The following PLA2G4B variants were observed in gnomAD, a reference collection of about 807,000 sequenced individuals.
PLA2G4B encodes the protein cytosolic phospholipase A2 beta.
Under a neutral mutation model 95.8 loss-of-function variants are expected in PLA2G4B, and 122 were observed. The ratio of observed to expected loss-of-function variants is 1.27; its 90% confidence interval spans 1.10 to 1.48. The LOEUF is 1.48. PLA2G4B is among the 40% of genes most tolerant of loss of function. PLA2G4B has a pLI of 0.00. For synonymous variants in PLA2G4B, 518 were observed against 421.5 expected (o/e 1.23, Z -2.80); for missense variants, 1,158 against 996.2 (o/e 1.16, Z -2.19).
Position 41,840,921 on chromosome 15 carries a change from C to T in PLA2G4B, c.351+16C>T, listed in dbSNP as rs764196566. On this transcript the variant is annotated intron_variant, in intron 4 of 19. Transcript: ENST00000458483. ...GAGCCCTCAGGCAAGGCGGTGTTTC[C>T]ACGGCAGCCCTAGCTGGTGTCTGGG... 3 of 1,610,050 alleles carry T rather than the reference C, an allele frequency of 1.9e-6. No individual in the cohort carries two copies. The highest frequency in any genetic ancestry group is 2.5e-6 in the Non-Finnish European group (3 of 1,177,008).
intron 5 of PLA2G4B, 28 bp from the exon 6 acceptor site, chr15:41,841,203 C>T (rs750583728): frequency 1.2e-6 from 2 of 1,613,986 alleles, no homozygotes; most frequent in African/African-American, 1.3e-5. Context: ...TGGACTCCTG[C>T]TAAGGGGGCT....
chr15:41,843,925 C>G, intron 11 of PLA2G4B, 114 bp downstream of exon 11: 1 of 1,463,044 alleles, frequency 6.8e-7, no homozygotes, highest in African/African-American at 1.4e-5. Context: ...GCTGCCTGTC[C>G]CCACCCTGCT....
chr15:41,846,114 G>T lies in PLA2G4B; in HGVS notation c.1600+67G>T, dbSNP rs115866453. 3.5e-3 allele frequency: 5,498 copies of T among 1,576,694 alleles called. 179 individuals carry two copies. In the African/African-American group the frequency reaches 0.067, roughly 19 times the overall value. On this transcript the variant is annotated intron_variant, in intron 16 of 19. Transcript: ENST00000458483. ...CAGCTGGGGCTGCACCAGGGGGCGG[G>T]GGGTTCACACCTCTTCCCCCTCCAG... is the stretch of plus-strand genomic sequence containing the variant.
rs1567173246 is a variant in PLA2G4B, at chr15:41,846,712, G to T, written c.1824G>T (p.Glu608Asp). ...TCCCCAACCAGCTGACACCCTCGGA[G>T]CCCCACCTGTGCCTGCTGGATGTTG... ...DGLPNQLTPS[E>D]PHLCLLDVGY... The change falls in exon 18 of 20, where the codon GAG (glutamate) becomes GAT (aspartate). Residue 608 changes from glutamate to aspartate, a missense_variant. Transcript: ENST00000458483. The T allele has an allele frequency of 2.5e-6, 4 of 1,613,792 alleles. No homozygotes were observed. In the Admixed American group the frequency reaches 6.7e-5, roughly 27 times the overall value.
At chr15:41,844,646 A>G (rs763845412) in intron 12 of PLA2G4B, 39 bp downstream of exon 12, 2 of 1,612,972 alleles carry the variant, frequency 1.2e-6, no homozygotes, top group Middle Eastern at 1.8e-4. Context: ...CCTGTGTGGC[A>G]GGGGGTGCTG....
chr15:41,844,527 G>A lies in PLA2G4B; in HGVS notation c.936G>A (p.Leu312=). The change falls in exon 12 of 20, where the codon CTG becomes CTA. Residue 312 remains leucine, a synonymous_variant. Coordinates refer to ENST00000458483, the MANE Select transcript of PLA2G4B (RefSeq NM_001114633.2). ...GTGGGATCCGGGCAATGACTTCCCT[G>A]TATGGGCAGCTGGCTGGCCTGAAGG... ...TGGGIRAMTS[L]YGQLAGLKEL... The A allele has an allele frequency of 1.2e-6, 2 of 1,614,148 alleles. No individual in the cohort carries two copies. The highest frequency in any genetic ancestry group is 2.2e-5 in the South Asian group (2 of 91,084).
At chr15:41,846,614 A>G (rs2065553047) in intron 17 of PLA2G4B, 55 bp from the exon 18 acceptor site, 2 of 1,552,052 alleles carry the variant, frequency 1.3e-6, no homozygotes, top group African/African-American at 1.4e-5. Context: ...TCCTTCCAGC[A>G]GGAATCTGGT....
At chr15:41,841,440 C>CA in intron 6 of PLA2G4B, 77 bp from the exon 7 acceptor site, 1 of 1,611,458 alleles carries the variant, frequency 6.2e-7, no homozygotes, top group Non-Finnish European at 8.5e-7. Context: ...AGACCAGCAG[C>CA]AGCCAGGGTG....
In PLA2G4B at chr15:41,844,835, TGGCTTTTCCCAG is replaced by T. The variant is rs1196876606; in HGVS notation, c.1017-9_1019del. The stretch of plus-strand genomic sequence containing the variant: ...AGTGACAGCCCTCTGGCTTTGGCTT[TGGCTTTTCCCAG>T]GGCCTTGGCCAACCTTTATGAGGAC... On this transcript the variant is annotated splice_acceptor_variant and splice_polypyrimidine_tract_variant and intron_variant, in intron 12 of 19. Coordinates refer to ENST00000458483, the MANE Select transcript of PLA2G4B (RefSeq NM_001114633.2). LOFTEE classifies it high-confidence loss of function. 6.3e-7 allele frequency: 1 copy of T among 1,586,800 alleles called. No homozygotes were observed. Among genetic ancestry groups the T allele is most frequent in the South Asian group, 1.1e-5 (1 of 87,860 alleles).
intron 9 of PLA2G4B, 90 bp from the exon 10 acceptor site, chr15:41,842,464 C>T (rs372443014): frequency 4.4e-5 from 68 of 1,545,722 alleles, no homozygotes; most frequent in East Asian, 1.7e-4. Flanking sequence ...GGTGGCGGGG[C>T]GGGGGTGGTG....
chr15:41,844,014 C>T (rs1175714142), intron 11 of PLA2G4B, among the ~76,000 whole-genome samples: 2 of 152,214 alleles, frequency 1.3e-5, no homozygotes, highest in Non-Finnish European at 1.5e-5. Context: ...TGGGAGCTAC[C>T]TCATAGGGCT....
Position 41,841,097 on chromosome 15 carries a change from T to C in PLA2G4B, c.392+2T>C. The C allele has an allele frequency of 6.3e-7, 1 of 1,599,888 alleles. No homozygotes were observed. Among genetic ancestry groups the C allele is most frequent in the Non-Finnish European group, 8.5e-7 (1 of 1,170,198 alleles). ...AGTTGAATTTCGCCTGCAGAGTCTGTGAGTCAGGGGCCTGGGGCAGTTTGG... is the reference window on the plus strand; with the variant it reads ...AGTTGAATTTCGCCTGCAGAGTCTGCGAGTCAGGGGCCTGGGGCAGTTTGG... On this transcript the variant is annotated splice_donor_variant, in intron 5 of 19. Coordinates refer to ENST00000458483, the MANE Select transcript of PLA2G4B (RefSeq NM_001114633.2). LOFTEE classifies it high-confidence loss of function.
intron 15 of PLA2G4B, 67 bp downstream of exon 15, chr15:41,845,842 A>G: frequency 6.5e-7 from 1 of 1,533,814 alleles, no homozygotes; most frequent in Non-Finnish European, 8.8e-7. Flanking sequence ...GTGAGAGGGC[A>G]GCCTCGGTCA....
At position 41,843,683 on chromosome 15, in the gene PLA2G4B, G is replaced by T. The variant is rs780425412; in HGVS notation, c.751G>T (p.Glu251Ter). The T allele has an allele frequency of 6.2e-7, 1 of 1,613,358 alleles. No individual in the cohort carries two copies. Among genetic ancestry groups the T allele is most frequent in the African/African-American group, 1.3e-5 (1 of 74,936 alleles). ...TCTTCCTTCCCCGGCCAGACTGAGG[G>T]AGCTGGCCGTGCGACTGGGCTTCGG... ...VELKKEAGLR[E>*]LAVRLGFGPC... Residue 251 changes from glutamate to a stop codon, truncating the protein, a stop_gained, in exon 11 of 20, where the codon GAG becomes TAG. Coordinates refer to ENST00000458483, the MANE Select transcript of PLA2G4B (RefSeq NM_001114633.2). LOFTEE classifies it high-confidence loss of function.
At position 41,845,715 on chromosome 15, in the gene PLA2G4B, G is replaced by C. The variant is rs140382656; in HGVS notation, c.1435G>C (p.Glu479Gln). The change falls in exon 15 of 20, where the codon GAG (glutamate) becomes CAG (glutamine). Residue 479 changes from glutamate to glutamine, a missense_variant. By Grantham distance (29) the Glu-to-Gln change is conservative. Coordinates refer to ENST00000458483, the MANE Select transcript of PLA2G4B (RefSeq NM_001114633.2). The stretch of plus-strand genomic sequence containing the variant: ...CATCCCCTCTGAGCTCTTTGGCTCC[G>C]AGTTCTTTATGGGGCAGCTGATGAA... ...AFIPSELFGS[E>Q]FFMGQLMKRL... 2.5e-6 allele frequency: 4 copies of C among 1,612,988 alleles called. No individual in the cohort carries two copies. Among genetic ancestry groups the C allele is most frequent in the Non-Finnish European group, 3.4e-6 (4 of 1,179,644 alleles).
In PLA2G4B at chr15:41,840,611, GC is replaced by G; in HGVS notation, c.173del (p.Pro58LeufsTer21). 6.2e-7 allele frequency: 1 copy of G among 1,613,994 alleles called. No individual in the cohort carries two copies. The highest frequency in any genetic ancestry group is 8.5e-7 in the Non-Finnish European group (1 of 1,180,028). ...LQTRTVKNSS[S>X]PVWNQSFHFR... is the part of the protein sequence containing the mutation. ...ACACGCACGGTCAAGAACAGCAGTA[GC>G]CCTGTCTGGAACCAGAGCTTTCACT... On this transcript the variant is annotated frameshift_variant, in exon 3 of 20. Coordinates refer to ENST00000458483, the MANE Select transcript of PLA2G4B (RefSeq NM_001114633.2). LOFTEE classifies it high-confidence loss of function.
chr15:41,846,871 G>A (rs774486741), intron 18 of PLA2G4B, 36 bp downstream of exon 18: 11 of 1,582,684 alleles, frequency 7.0e-6, no homozygotes, highest in Non-Finnish European at 8.6e-6. Context: ...GGGAGGCGGT[G>A]GGTGGCCCCT....
rs1282168416 is a variant in PLA2G4B, at chr15:41,846,944, T to C, written c.1947+109T>C. The C allele has an allele frequency of 5.8e-6, 8 of 1,377,312 alleles. No individual in the cohort carries two copies. In the South Asian group the frequency reaches 6.3e-5, roughly 11 times the overall value. 85.3% of individuals were successfully genotyped at this position (1,377,312 alleles called of 1,614,324 possible). A position where few individuals can be genotyped will look rare whatever the true frequency, so the allele number is the denominator to read the frequency against. The stretch of plus-strand genomic sequence containing the variant: ...GTTCAGCTTCCTTTAGGAGCTGTGA[T>C]TGGGACACTGGAATCTTAATTTGCC... On this transcript the variant is annotated intron_variant, in intron 18 of 19. Coordinates refer to ENST00000458483, the MANE Select transcript of PLA2G4B (RefSeq NM_001114633.2).
Position 41,844,551 on chromosome 15 carries a change from G to A in PLA2G4B, c.960G>A (p.Lys320=), listed in dbSNP as rs932827069. The change falls in exon 12 of 20, where the codon AAG becomes AAA. Residue 320 remains lysine (K), a synonymous_variant. Coordinates refer to ENST00000458483, the MANE Select transcript of PLA2G4B (RefSeq NM_001114633.2). ...TGTATGGGCAGCTGGCTGGCCTGAA[G>A]GAGCTGGGCCTCTTGGATTGCGTCT... ...TSLYGQLAGL[K]ELGLLDCVSY... is the part of the protein sequence containing the mutation. The A allele has an allele frequency of 6.2e-7, 1 of 1,614,220 alleles. No homozygotes were observed. The highest frequency in any genetic ancestry group is 1.7e-5 in the Admixed American group (1 of 60,032).
Sources: allele counts gnomAD v4.1 joint callset (sites outside exome capture counted in the v4.1 genomes callset), GRCh38; gene constraint gnomAD v4.1.1; transcripts MANE v1.5; gene names NCBI Gene and HGNC (gene_info 2026-07-23, HGNC 2026-07-21).